KCNQ5: variants seen among roughly 807,000 people sequenced by gnomAD.
The protein encoded by KCNQ5 is potassium voltage-gated channel subfamily KQT member 5.
KCNQ5 carries 30 observed loss-of-function variants against 98.2 expected under a neutral mutation model. The observed-to-expected ratio is 0.31, with a 90% confidence interval of 0.23 to 0.41. The LOEUF is 0.41. KCNQ5 is among the 10% of genes least tolerant of loss of function. The pLI, the probability that KCNQ5 is intolerant of heterozygous loss-of-function variation, is 1.00. For synonymous variants in KCNQ5, 458 were observed against 449.4 expected, an observed-to-expected ratio of 1.02 and a Z score of -0.24; for missense variants, 835 against 1,182.5, an observed-to-expected ratio of 0.71 and a Z score of 4.31.
chr6:72,708,646 T>C (rs1400999703), intron 1 of KCNQ5, among the ~76,000 whole-genome samples: 1 of 152,112 alleles, frequency 6.6e-6, no homozygotes, highest in East Asian at 1.9e-4. Flanking sequence ...CTCAGCCTCC[T>C]GAGTAGCTGG....
intron 11 of KCNQ5, among the ~76,000 whole-genome samples, chr6:73,186,141 T>G (rs192713906): frequency 2.0e-5 from 3 of 152,140 alleles, no homozygotes; most frequent in Non-Finnish European, 4.4e-5. Context: ...GATGGGAGGA[T>G]TGGCAGATCT....
intron 1 of KCNQ5, among the ~76,000 whole-genome samples, chr6:72,895,950 A>G (rs1779236700): frequency 6.6e-6 from 1 of 152,114 alleles, no homozygotes; most frequent in East Asian, 1.9e-4. Flanking sequence ...TGGATTGGAC[A>G]AATTATAAGA....
rs191423327 is a variant in KCNQ5, at chr6:72,916,778, C to A, written c.399-87130C>A. Reference sequence around the variant, plus strand: ...TAATAATTGATTTTATATACCCCCCCAAAAAAAGTTTACTTGCTGGGCCAT... The same window carrying A: ...TAATAATTGATTTTATATACCCCCCAAAAAAAAGTTTACTTGCTGGGCCAT... On this transcript the variant is annotated intron_variant, in intron 1 of 13. Transcript: ENST00000370398. Among the ~76,000 whole-genome samples the A allele has an allele frequency of 2.7e-3, 409 of 152,104 alleles. 4 individuals carry two copies. The highest frequency in any genetic ancestry group is 0.021 in the East Asian group (109 of 5,182).
intron 1 of KCNQ5, among the ~76,000 whole-genome samples, chr6:72,646,074 C>A (rs1170712928): frequency 6.6e-6 from 1 of 152,088 alleles, no homozygotes; most frequent in Non-Finnish European, 1.5e-5. Context: ...AGATGGAATA[C>A]ATTCATATTA....
chr6:72,745,655 C>G (rs974442718), intron 1 of KCNQ5, among the ~76,000 whole-genome samples: 1 of 152,108 alleles, frequency 6.6e-6, no homozygotes, highest in Non-Finnish European at 1.5e-5. Flanking sequence ...CCCTTCTAAC[C>G]CTTCTTAAAA....
chr6:72,918,896 T>A (rs1780276205), intron 1 of KCNQ5, among the ~76,000 whole-genome samples: 1 of 152,204 alleles, frequency 6.6e-6, no homozygotes, highest in Non-Finnish European at 1.5e-5. Context: ...AGACTAGAGC[T>A]AGAAAGAGAA....
intron 1 of KCNQ5, among the ~76,000 whole-genome samples, chr6:72,729,824 A>G (rs1283548766): frequency 2.0e-5 from 3 of 152,162 alleles, no homozygotes; most frequent in Non-Finnish European, 4.4e-5. Flanking sequence ...ACTTTCTTAT[A>G]CTGGGCCTAT....
At chr6:72,935,687 G>A (rs1394047552) in intron 1 of KCNQ5, among the ~76,000 whole-genome samples, 1 of 151,960 alleles carries the variant, frequency 6.6e-6, no homozygotes, top group African/African-American at 2.4e-5. Flanking sequence ...CCTCTTTATA[G>A]CAAAACCTCT....
intron 1 of KCNQ5, among the ~76,000 whole-genome samples, chr6:72,794,951 C>G (rs1002645654): frequency 6.6e-6 from 1 of 151,986 alleles, no homozygotes; most frequent in African/African-American, 2.4e-5. Flanking sequence ...CTAAGAAGTC[C>G]AAGGGTATTG....
chr6:72,928,952 C>T (rs924364846), intron 1 of KCNQ5, among the ~76,000 whole-genome samples: 1 of 152,066 alleles, frequency 6.6e-6, no homozygotes, highest in African/African-American at 2.4e-5. Context: ...AAGACTTGGT[C>T]CCTGTATTTA....
rs117133840 is a variant in KCNQ5 at position 72,922,244 on chromosome 6, T to C, written c.399-81664T>C. 2.7e-3 allele frequency among the ~76,000 whole-genome samples: 409 copies of C among 152,308 alleles called. 4 individuals are homozygous for C. Among genetic ancestry groups the C allele is most frequent in the East Asian group, 0.02 (105 of 5,190 alleles). On this transcript the variant is annotated intron_variant, in intron 1 of 13. Coordinates refer to ENST00000370398, the MANE Select transcript of KCNQ5 (RefSeq NM_019842.4). ...TACTGTCTGTGCTTTAGCTATCTGT[T>C]ATATAATGCTCTACTTTTTATGCAG...
At chr6:72,872,698 C>A (rs1297758940) in intron 1 of KCNQ5, among the ~76,000 whole-genome samples, 1 of 151,998 alleles carries the variant, frequency 6.6e-6, no homozygotes, top group Non-Finnish European at 1.5e-5. Flanking sequence ...TGCTGATTTA[C>A]AACGAGGAAA....
intron 2 of KCNQ5, among the ~76,000 whole-genome samples, chr6:73,018,178 C>T (rs1230784950): frequency 1.3e-5 from 2 of 152,136 alleles, no homozygotes; most frequent in Admixed American, 1.3e-4. Flanking sequence ...GAGTTAATTA[C>T]ACCTCTATAA....
intron 1 of KCNQ5, among the ~76,000 whole-genome samples, chr6:72,671,607 A>G (rs1767109996): frequency 2.6e-5 from 4 of 152,162 alleles, no homozygotes; most frequent in African/African-American, 9.7e-5. Flanking sequence ...AAGAAAAAGC[A>G]CCAATTTTAT....
chr6:73,157,550 GGT>G, intron 10 of KCNQ5: 1 of 749,260 alleles, frequency 1.3e-6, no homozygotes, highest in Non-Finnish European at 2.5e-6. Flanking sequence ...ATCCTTGCTG[GGT>G]GGTGTCAGAG....
intron 1 of KCNQ5, among the ~76,000 whole-genome samples, chr6:72,651,372 C>T (rs1765867564): frequency 6.6e-6 from 1 of 152,044 alleles, no homozygotes; most frequent in East Asian, 1.9e-4. Context: ...TGGGCTATGA[C>T]TCCTTCAGTG....
intron 3 of KCNQ5, among the ~76,000 whole-genome samples, chr6:73,052,666 A>G (rs1772298145): frequency 6.6e-6 from 1 of 152,206 alleles, no homozygotes; most frequent in Non-Finnish European, 1.5e-5. Context: ...GAGAAATAAG[A>G]TTCTTTTCAG....
intron 1 of KCNQ5, among the ~76,000 whole-genome samples, chr6:72,977,035 T>A (rs1028565760): frequency 6.6e-6 from 1 of 152,256 alleles, no homozygotes; most frequent in African/African-American, 2.4e-5. Context: ...ACCAATATAA[T>A]TCATTGTCAT....
At chr6:72,798,181 A>G (rs981265192) in intron 1 of KCNQ5, among the ~76,000 whole-genome samples, 1 of 152,238 alleles carries the variant, frequency 6.6e-6, no homozygotes, top group Non-Finnish European at 1.5e-5. Flanking sequence ...TATTAGTAAC[A>G]TGTGCTTGAA....
Sources: allele counts gnomAD v4.1 joint callset (sites outside exome capture counted in the v4.1 genomes callset), GRCh38; gene constraint gnomAD v4.1.1; transcripts MANE v1.5; gene names NCBI Gene and HGNC (gene_info 2026-07-23, HGNC 2026-07-21).